The following UBR1 variants were observed in gnomAD, a reference collection of about 807,000 sequenced individuals.
The protein encoded by UBR1 is E3 ubiquitin-protein ligase UBR1.
Under a neutral mutation model 242.1 loss-of-function variants are expected in UBR1, and 102 were observed. That is an observed-to-expected ratio of 0.42 (90% CI 0.36 to 0.50). The LOEUF is 0.50. UBR1 is among the 20% of genes least tolerant of loss of function. The pLI, the probability that UBR1 is intolerant of heterozygous loss-of-function variation, is 0.01. For synonymous variants in UBR1, 675 were observed against 684.8 expected, an observed-to-expected ratio of 0.99 and a Z score of 0.22; for missense variants, 1,772 against 2,101.8, an observed-to-expected ratio of 0.84 and a Z score of 3.07.
At chr15:43,024,693 G>C (rs1414897169) in intron 25 of UBR1, 136 bp downstream of exon 25, 2 of 1,235,218 alleles carry the variant, frequency 1.6e-6, no homozygotes, top group Non-Finnish European at 2.4e-6. Context: ...TTTGTGCTGT[G>C]TGTAAGCTAT....
chr15:43,075,223 G>A, intron 3 of UBR1, 134 bp from the exon 4 acceptor site: 1 of 807,084 alleles, frequency 1.2e-6, no homozygotes, highest in Admixed American at 2.0e-5. Context: ...TTAACTGGAT[G>A]TAACAAAAAC....
At chr15:42,973,830 A>G (rs1250747365) in intron 39 of UBR1, among the ~76,000 whole-genome samples, 7 of 151,926 alleles carry the variant, frequency 4.6e-5, no homozygotes, top group Admixed American at 6.6e-5. Context: ...TTTTGTATCT[A>G]AAAAGTCATC....
chr15:42,953,900 T>TTTTTTTG (rs2031874433), intron 44 of UBR1, among the ~76,000 whole-genome samples: 1 of 150,508 alleles, frequency 6.6e-6, no homozygotes. Context: ...TTTTTTTTTT[T>TTTTTTTG]GAGACAGGGT....
chr15:43,009,988 C>T (rs533766085), intron 29 of UBR1, among the ~76,000 whole-genome samples: 2 of 152,148 alleles, frequency 1.3e-5, no homozygotes, highest in African/African-American at 4.8e-5. Flanking sequence ...CTCCTTGCCT[C>T]GGCCTCTGAA....
intron 34 of UBR1, among the ~76,000 whole-genome samples, chr15:42,989,414 G>A (rs547586239): frequency 6.3e-4 from 96 of 152,302 alleles, no homozygotes; most frequent in African/African-American, 2.2e-3. Context: ...TGTGTGATAT[G>A]ATACCATGTA....
rs371256699 is a variant in UBR1 at position 43,007,111 on chromosome 15, T to C, written c.3383A>G (p.Gln1128Arg). 19 of 1,614,182 alleles carry C rather than the reference T, an allele frequency of 1.2e-5. No individual in the cohort carries two copies. Among genetic ancestry groups the C allele is most frequent in the Non-Finnish European group, 1.5e-5 (18 of 1,180,038 alleles). Residue 1128 changes from glutamine (Q) to arginine (R), a missense_variant, in exon 30 of 47, where the codon CAG (glutamine) becomes CGG (arginine). By Grantham distance (43) the Gln-to-Arg change is conservative (BLOSUM62 1). Coordinates refer to ENST00000290650, the MANE Select transcript of UBR1 (RefSeq NM_174916.3). Reference protein sequence around the residue: ...ACVQKSTALTQHRGKPIELSG... With the variant: ...ACVQKSTALTRHRGKPIELSG... ...GAGTTCTATGGGTTTTCCCCTGTGC[T>C]GGGTTAAGGCAGTAGATTTCTGGAC...
At chr15:42,970,006 A>T (rs552712762) in intron 40 of UBR1, among the ~76,000 whole-genome samples, 1 of 152,350 alleles carries the variant, frequency 6.6e-6, no homozygotes, top group South Asian at 2.1e-4. Context: ...TAAATTTCAC[A>T]TGGAACCAAA....
intron 6 of UBR1, among the ~76,000 whole-genome samples, chr15:43,061,325 G>C (rs1424767049): frequency 6.6e-6 from 1 of 152,190 alleles, no homozygotes; most frequent in East Asian, 1.9e-4. Flanking sequence ...CAAGGGGACT[G>C]CTCCTGCAGG....
At chr15:43,007,027 A>T (rs2032841388) in intron 30 of UBR1, 52 bp downstream of exon 30, 2 of 1,561,270 alleles carry the variant, frequency 1.3e-6, no homozygotes, top group Admixed American at 1.7e-5. Context: ...TTCTTTAATT[A>T]CACAGGCATG....
chr15:42,971,525 G>A (rs1002833033), intron 39 of UBR1, among the ~76,000 whole-genome samples: 40 of 152,300 alleles, frequency 2.6e-4, no homozygotes, highest in African/African-American at 9.6e-4. Context: ...GTGCTCTGTT[G>A]TTTTAAAAAT....
chr15:43,034,072 T>TTAG (rs1265988121), intron 19 of UBR1, among the ~76,000 whole-genome samples: 2 of 151,956 alleles, frequency 1.3e-5, no homozygotes, highest in African/African-American at 4.8e-5. Flanking sequence ...ACCCCGTCTC[T>TTAG]ACTAAAATAC....
Position 42,988,959 on chromosome 15 carries a change from T to C in UBR1, c.3857A>G (p.Tyr1286Cys), listed in dbSNP as rs749031006. The C allele has an allele frequency of 6.3e-7, 1 of 1,599,206 alleles. No homozygotes were observed. Among genetic ancestry groups the C allele is most frequent in the Non-Finnish European group, 8.6e-7 (1 of 1,166,642 alleles). The change falls in exon 35 of 47, where the codon TAT becomes TGT. Residue 1286 changes from tyrosine to cysteine, a missense_variant. By Grantham distance (194) the Tyr-to-Cys change is radical. This residue lies in a region of UBR1 where 965 missense variants were observed against 1,079.7 expected (regional missense o/e 0.89). Transcript: ENST00000290650. The part of the protein sequence containing the change: ...LSFGVESSIK[Y>C]SNSIKEMVIL... ...AACCATTTCCTTGATGCTATTTGAATATTTAATCCTATAAATAAAACAAGA... is the reference window on the plus strand; with the variant it reads ...AACCATTTCCTTGATGCTATTTGAACATTTAATCCTATAAATAAAACAAGA...
chr15:43,033,806 C>G (rs2033290426), intron 19 of UBR1, among the ~76,000 whole-genome samples: 1 of 151,986 alleles, frequency 6.6e-6, no homozygotes, highest in African/African-American at 2.4e-5. Flanking sequence ...TTCAAATATT[C>G]AAACAATAAA....
intron 9 of UBR1, among the ~76,000 whole-genome samples, chr15:43,058,772 C>A (rs1306322416): frequency 6.6e-6 from 1 of 152,074 alleles, no homozygotes; most frequent in African/African-American, 2.4e-5. Context: ...ATGAAAATAG[C>A]ATCTTTTTCG....
intron 39 of UBR1, among the ~76,000 whole-genome samples, chr15:42,971,518 C>T (rs1438741798): frequency 6.6e-6 from 1 of 152,152 alleles, no homozygotes; most frequent in African/African-American, 2.4e-5. Flanking sequence ...TTGAGTAGTG[C>T]TCTGTTGTTT....
In UBR1 at chr15:43,060,103, A is replaced by G; in HGVS notation, c.810T>C (p.Ala270=). ...TTAIDKEGRR[A]VKAGAYAACQ... is the part of the protein sequence containing the mutation. ...AAGCAGCATAAGCTCCCGCTTTAAC[A>G]GCCCGACGACCCTAATTATAGACAA... The change falls in exon 7 of 47, where the codon GCT becomes GCC. Residue 270 remains alanine (A), a synonymous_variant. Transcript: ENST00000290650. The G allele has an allele frequency of 6.2e-7, 1 of 1,614,152 alleles. No individual in the cohort carries two copies. The highest frequency in any genetic ancestry group is 8.5e-7 in the Non-Finnish European group (1 of 1,180,014).
Position 43,059,104 on chromosome 15 carries a change from C to T in UBR1, c.1074G>A (p.Trp358Ter). 6.2e-7 allele frequency: 1 copy of T among 1,613,914 alleles called. No homozygotes were observed. Among genetic ancestry groups the T allele is most frequent in the Non-Finnish European group, 8.5e-7 (1 of 1,179,880 alleles). ...NPCLISRLML[W>*]DAKLYKGARK... ...ACTTACCTTTATAAAGCTTTGCATC[C>T]CAAAGCATTAACCTGCTTATGAGAC... Residue 358 changes from tryptophan (W) to a stop codon, truncating the protein, a stop_gained, in exon 9 of 47, where the codon TGG becomes TGA. Transcript: ENST00000290650. LOFTEE classifies it high-confidence loss of function.
intron 44 of UBR1, among the ~76,000 whole-genome samples, chr15:42,957,366 G>A (rs534216536): frequency 1.3e-5 from 2 of 152,254 alleles, no homozygotes; most frequent in East Asian, 1.9e-4. Flanking sequence ...CATAGGGTAC[G>A]GGATGAGGGG....
intron 6 of UBR1, among the ~76,000 whole-genome samples, chr15:43,066,278 G>C (rs2033751214): frequency 6.6e-6 from 1 of 152,092 alleles, no homozygotes; most frequent in Non-Finnish European, 1.5e-5. Context: ...GATGGTTCTA[G>C]GTGTGTGGTC....
Sources: allele counts gnomAD v4.1 joint callset (sites outside exome capture counted in the v4.1 genomes callset), GRCh38; gene constraint gnomAD v4.1.1; regional missense constraint gnomAD v4.1.1; transcripts MANE v1.5; gene names NCBI Gene and HGNC (gene_info 2026-07-23, HGNC 2026-07-21).